RUNX1: variants seen among roughly 807,000 people sequenced by gnomAD.
RUNX1 encodes runt-related transcription factor 1.
A neutral mutation model predicts 42.8 loss-of-function variants in RUNX1; 19 were observed. That is an observed-to-expected ratio of 0.44 (90% CI 0.31 to 0.65). The LOEUF (loss-of-function observed/expected upper bound fraction) is 0.65, where lower values mean the gene tolerates loss of function less well. RUNX1 is among the 30% of genes least tolerant of loss of function. The pLI is 0.07. For synonymous variants in RUNX1, 271 were observed against 289.4 expected, an observed-to-expected ratio of 0.94 and a Z score of 0.64; for missense variants, 528 against 672.0, an observed-to-expected ratio of 0.79 and a Z score of 2.37.
chr21:35,034,336 A>G (rs2059292559), intron 2 of RUNX1, among the ~76,000 whole-genome samples: 1 of 152,182 alleles, frequency 6.6e-6, no homozygotes, highest in Non-Finnish European at 1.5e-5. Flanking sequence ...TCTTAATTTC[A>G]TGCCCTTGCA....
intron 7 of RUNX1, among the ~76,000 whole-genome samples, chr21:34,819,683 T>C (rs2056880099): frequency 6.6e-6 from 1 of 152,256 alleles, no homozygotes; most frequent in Admixed American, 6.5e-5. Flanking sequence ...CATAGCCGTG[T>C]ACTCTGTTGG....
rs944333611 is a variant in RUNX1 at position 34,842,971 on chromosome 21, G to T, written c.614-8370C>A. Among the ~76,000 whole-genome samples the T allele has an allele frequency of 7.2e-5, 11 of 152,150 alleles. No homozygotes were observed. In the South Asian group the frequency reaches 8.3e-4, roughly 11 times the overall value. Reference sequence around the variant, plus strand: ...TAGTCCCAGTTACAAGTAAGTGGCTGAGGCAGAAGAATTGCTAGAACCCAG... The same window carrying T: ...TAGTCCCAGTTACAAGTAAGTGGCTTAGGCAGAAGAATTGCTAGAACCCAG... On this transcript the variant is annotated intron_variant, in intron 6 of 8. Transcript: ENST00000675419.
intron 2 of RUNX1, among the ~76,000 whole-genome samples, chr21:34,913,140 G>A (rs968225825): frequency 6.6e-6 from 1 of 152,154 alleles, no homozygotes; most frequent in African/African-American, 2.4e-5. Flanking sequence ...GGTGAAGCAG[G>A]AAGAATTGCT....
chr21:34,838,567 A>G (rs547778900), intron 6 of RUNX1, among the ~76,000 whole-genome samples: 2 of 152,350 alleles, frequency 1.3e-5, no homozygotes, highest in East Asian at 3.9e-4. Context: ...TTTTAAAAGG[A>G]TATCTGTATT....
intron 2 of RUNX1, among the ~76,000 whole-genome samples, chr21:34,987,254 C>T (rs534056282): frequency 1.1e-4 from 17 of 152,312 alleles, no homozygotes; most frequent in African/African-American, 3.6e-4. Context: ...TCGCTTCGTC[C>T]GCCTTGTGGC....
intron 2 of RUNX1, among the ~76,000 whole-genome samples, chr21:35,047,553 ACACACACACTCT>A (rs1215114427): frequency 2.3e-3 from 209 of 89,932 alleles, no homozygotes; most frequent in South Asian, 0.012. Flanking sequence ...ACACACACAC[ACACACACACTCT>A]CTCTCTCTCT....
chr21:34,882,574 T>C (rs2057920874), intron 4 of RUNX1, among the ~76,000 whole-genome samples: 2 of 152,200 alleles, frequency 1.3e-5, no homozygotes, highest in African/African-American at 4.8e-5. Flanking sequence ...TTAGTTCCCA[T>C]TATAAGTGTG....
At chr21:34,989,158 G>A (rs554750303) in intron 2 of RUNX1, among the ~76,000 whole-genome samples, 15 of 151,990 alleles carry the variant, frequency 9.9e-5, no homozygotes, top group East Asian at 5.8e-4. Flanking sequence ...ACAGGCGCCC[G>A]CCGCCACACC....
chr21:34,934,387 T>C (rs757583425), intron 2 of RUNX1, among the ~76,000 whole-genome samples: 1 of 152,306 alleles, frequency 6.6e-6, no homozygotes, highest in African/African-American at 2.4e-5. Flanking sequence ...TAGATATTTA[T>C]TGAAACCATG....
chr21:34,963,407 G>A (rs190669471), intron 2 of RUNX1, among the ~76,000 whole-genome samples: 6 of 152,284 alleles, frequency 3.9e-5, no homozygotes, highest in Non-Finnish European at 5.9e-5. Flanking sequence ...GCTACGTGAG[G>A]ATGAAAAAGC....
chr21:34,801,508 T>C (rs1190425542), intron 7 of RUNX1, among the ~76,000 whole-genome samples: 1 of 152,238 alleles, frequency 6.6e-6, no homozygotes, highest in Non-Finnish European at 1.5e-5. Context: ...AAGTCCAAGT[T>C]CTATGAGTTT....
At chr21:34,980,618 CTATCCCGAGGGAAACAGT>C (rs1354159803) in intron 2 of RUNX1, among the ~76,000 whole-genome samples, 1 of 152,132 alleles carries the variant, frequency 6.6e-6, no homozygotes, top group East Asian at 1.9e-4. Context: ...ATGACCTCTG[CTATCCCGAGGGAAACAGT>C]TTTCCCCATT....
chr21:34,995,923 T>A (rs1461517464), intron 2 of RUNX1, among the ~76,000 whole-genome samples: 231 of 152,340 alleles, frequency 1.5e-3, no homozygotes, highest in Middle Eastern at 0.01. Context: ...TGTACGTGTT[T>A]CTTTTTATAC....
chr21:34,854,993 C>T (rs1047137347), intron 6 of RUNX1, among the ~76,000 whole-genome samples: 2 of 152,106 alleles, frequency 1.3e-5, no homozygotes, highest in Non-Finnish European at 2.9e-5. Context: ...AAATCAAGAG[C>T]TCAAGCAGAA....
At chr21:34,865,750 C>T (rs762993465) in intron 5 of RUNX1, among the ~76,000 whole-genome samples, 16 of 152,318 alleles carry the variant, frequency 1.1e-4, no homozygotes, top group Admixed American at 2.0e-4. Flanking sequence ...GCCCAGCGCA[C>T]TCTCCACTTC....
intron 2 of RUNX1, among the ~76,000 whole-genome samples, chr21:34,965,908 G>A (rs1282688798): frequency 6.6e-6 from 1 of 152,224 alleles, no homozygotes; most frequent in Non-Finnish European, 1.5e-5. Flanking sequence ...TGTGGCCTGT[G>A]GTTAACAGTT....
intron 2 of RUNX1, among the ~76,000 whole-genome samples, chr21:35,015,461 C>A (rs1423235139): frequency 2.0e-5 from 3 of 152,128 alleles, no homozygotes; most frequent in African/African-American, 7.2e-5. Flanking sequence ...AGGATGAAGG[C>A]TGCTTTATCA....
chr21:34,890,166 G>GCGCGGAGCTGTCGGGA (rs1365309146), intron 3 of RUNX1, among the ~76,000 whole-genome samples: 1 of 151,780 alleles, frequency 6.6e-6, no homozygotes, highest in Non-Finnish European at 1.5e-5. Context: ...GGCCCGGACT[G>GCGCGGAGCTGTCGGGA]CGCGGAGCTG....
intron 2 of RUNX1, among the ~76,000 whole-genome samples, chr21:35,033,887 A>G (rs968157433): frequency 2.0e-5 from 3 of 152,234 alleles, no homozygotes; most frequent in Non-Finnish European, 2.9e-5. Flanking sequence ...GGGAGGACTC[A>G]GAATTACAGC....
Sources: gnomAD v4.1 joint callset for allele counts (sites outside exome capture counted in the v4.1 genomes callset) on GRCh38, gnomAD v4.1.1 for gene constraint, MANE v1.5 for transcripts, NCBI Gene and HGNC (gene_info 2026-07-23, HGNC 2026-07-21) for gene names.